The following DNAH17 variants were observed in gnomAD, a reference collection of about 807,000 sequenced individuals.
DNAH17 encodes dynein axonemal heavy chain 17.
A neutral mutation model predicts 485.6 loss-of-function variants in DNAH17; 376 were observed. That is an observed-to-expected ratio of 0.77 (90% CI 0.71 to 0.84). The LOEUF (loss-of-function observed/expected upper bound fraction) is 0.84, where lower values mean the gene tolerates loss of function less well. Among genes scored for constraint, DNAH17 ranks in the 40% least tolerant of loss-of-function variants. The probability of loss-of-function intolerance (pLI) is 0.00; values close to 1 mark genes in which losing one functional copy is unlikely to be tolerated. For missense variants in DNAH17, 6,370 were observed against 5,839.3 expected, an observed-to-expected ratio of 1.09 and a Z score of -2.96; for synonymous variants, 3,031 against 2,405.9, an observed-to-expected ratio of 1.26 and a Z score of -7.60.
chr17:78,494,097 T>C lies in DNAH17; in HGVS notation c.6347A>G (p.Glu2116Gly). ...CACGGAGTGGCGGACCTGCAGCAGC[T>C]CCTCCAGCTGCACCACCTTCAGCAC... ...SFVLKVVQLE[E>G]LLQVRHSVFI... The change falls in exon 41 of 81, where the codon GAG becomes GGG. Residue 2116 changes from glutamate to glycine, a missense_variant. Physicochemically the swap from Glu to Gly is moderately conservative, Grantham distance 98. Transcript: ENST00000389840. The C allele has an allele frequency of 1.9e-6, 3 of 1,612,692 alleles. No homozygotes were observed. Among genetic ancestry groups the C allele is most frequent in the Non-Finnish European group, 2.5e-6 (3 of 1,179,816 alleles).
At chr17:78,543,827 T>C (rs1485682272) in intron 17 of DNAH17, 30 bp downstream of exon 17, 1 of 1,613,918 alleles carries the variant, frequency 6.2e-7, no homozygotes, top group Admixed American at 1.7e-5. Context: ...GCAAGTGGGT[T>C]CTCAAAAAAC....
Position 78,460,136 on chromosome 17 carries a change from T to TC in DNAH17, c.9435+25dup, listed in dbSNP as rs759686206. The TC allele has an allele frequency of 1.2e-4, 185 of 1,586,680 alleles. 1 individual carries two copies. In the South Asian group the frequency reaches 1.9e-3, roughly 17 times the overall value. ...GCTTCCTCTCCAACCAGGCCAGGGG[T>TC]CCCCTTTCTTTCCCTCCCCCTTTAC... On this transcript the variant is annotated intron_variant, in intron 59 of 80. Transcript: ENST00000389840.
At chr17:78,470,175 G>A (rs2088683297) in intron 54 of DNAH17, among the ~76,000 whole-genome samples, 1 of 141,550 alleles carries the variant, frequency 7.1e-6, no homozygotes, top group South Asian at 2.2e-4. Context: ...CCGGGTTCAA[G>A]GAGTTCTCCT....
chr17:78,501,721 C>T, intron 34 of DNAH17, 21 bp downstream of exon 34: 1 of 1,609,842 alleles, frequency 6.2e-7, no homozygotes, highest in Non-Finnish European at 8.5e-7. Flanking sequence ...CCCCTGGCCC[C>T]TGGGACAGGG....
chr17:78,491,094 A>G (rs909843842), intron 43 of DNAH17, among the ~76,000 whole-genome samples: 1 of 152,002 alleles, frequency 6.6e-6, no homozygotes, highest in Non-Finnish European at 1.5e-5. Context: ...TTCTCAAACC[A>G]TCACCCCTCC....
At chr17:78,548,987 A>G (rs150807916) in intron 16 of DNAH17, among the ~76,000 whole-genome samples, 14 of 152,362 alleles carry the variant, frequency 9.2e-5, no homozygotes, top group South Asian at 2.1e-4. Context: ...CGTGATGAGG[A>G]AAGTGATGGG....
At chr17:78,543,316 C>A (rs2091655102) in intron 17 of DNAH17, among the ~76,000 whole-genome samples, 1 of 146,512 alleles carries the variant, frequency 6.8e-6, no homozygotes, top group Non-Finnish European at 1.5e-5. Context: ...CGGAGTCTCG[C>A]TCTGTCGCCC....
At position 78,451,740 on chromosome 17, in the gene DNAH17, G is replaced by C. The variant is rs573525653; in HGVS notation, c.10530-67C>G. ...ACCAGGGGAGAGGAACACAAGTACA[G>C]ACCACCTTTCACCCCAGCCCCAGGC... On this transcript the variant is annotated intron_variant, in intron 65 of 80. Coordinates refer to ENST00000389840, the MANE Select transcript of DNAH17 (RefSeq NM_173628.4). The C allele has an allele frequency of 5.0e-6, 7 of 1,412,558 alleles. No homozygotes were observed. The South Asian group carries it at 7.0e-5, about 14-fold the overall frequency. The allele number at this position is 1,412,558 out of a possible 1,614,324, so 87.5% of individuals were successfully genotyped here.
intron 56 of DNAH17, among the ~76,000 whole-genome samples, chr17:78,466,390 A>G (rs907770417): frequency 8.6e-5 from 13 of 152,030 alleles, no homozygotes; most frequent in Non-Finnish European, 1.5e-4. Context: ...TTGTCCTATG[A>G]CCCTGCCAAG....
At chr17:78,453,177 C>T (rs1228879165) in intron 65 of DNAH17, among the ~76,000 whole-genome samples, 166 bp downstream of exon 65, 1 of 152,212 alleles carries the variant, frequency 6.6e-6, no homozygotes, top group Non-Finnish European at 1.5e-5. Context: ...CCAGTCTTTC[C>T]TCAGGAGCTG....
chr17:78,479,371 A>C, intron 50 of DNAH17, 114 bp downstream of exon 50: 1 of 1,307,158 alleles, frequency 7.7e-7, no homozygotes, highest in South Asian at 1.6e-5. Context: ...CGTTTTTAAG[A>C]TATTGATTTA....
chr17:78,434,553 T>C (rs552803113), intron 74 of DNAH17, among the ~76,000 whole-genome samples: 3 of 152,104 alleles, frequency 2.0e-5, no homozygotes, highest in Non-Finnish European at 4.4e-5. Flanking sequence ...TAATGTTCCT[T>C]TGTAATTATC....
chr17:78,476,200 T>C (rs1280306391), intron 52 of DNAH17, among the ~76,000 whole-genome samples: 2 of 151,974 alleles, frequency 1.3e-5, no homozygotes, highest in Non-Finnish European at 2.9e-5. Flanking sequence ...TCCTCCTCAC[T>C]CAGACCCACA....
In DNAH17 at chr17:78,486,133, G is replaced by A. The variant is rs779526275; in HGVS notation, c.7102C>T (p.Leu2368Phe). The change falls in exon 46 of 81, where the codon CTT (leucine) becomes TTT (phenylalanine). Residue 2368 changes from leucine to phenylalanine, a missense_variant and splice_region_variant. Leu to Phe is a conservative substitution (Grantham distance 22). Coordinates refer to ENST00000389840, the MANE Select transcript of DNAH17 (RefSeq NM_173628.4). ...AFGGAMFQDQ[L>F]VDYRVEFSKW... ...CTGAACTCCACTCGATAATCCACAA[G>A]CTGTTGAGACACAGAAGTAAAAATC... The A allele has an allele frequency of 1.5e-5, 24 of 1,612,832 alleles. No homozygotes were observed. The highest frequency in any genetic ancestry group is 2.0e-5 in the Non-Finnish European group (24 of 1,179,294).
intron 51 of DNAH17, among the ~76,000 whole-genome samples, chr17:78,478,008 CCAT>C (rs1249063500): frequency 1.0e-4 from 13 of 126,540 alleles, no homozygotes; most frequent in African/African-American, 5.1e-4. Context: ...ACCATCATCA[CCAT>C]CATCACCATC....
At chr17:78,456,086 G>C (rs551702814) in intron 62 of DNAH17, among the ~76,000 whole-genome samples, 1 of 152,118 alleles carries the variant, frequency 6.6e-6, no homozygotes, top group Admixed American at 6.5e-5. Flanking sequence ...ATCACTTGAG[G>C]TCAGGGGGTC....
intron 24 of DNAH17, among the ~76,000 whole-genome samples, chr17:78,526,399 A>G (rs2091073968): frequency 6.6e-6 from 1 of 152,154 alleles, no homozygotes; most frequent in East Asian, 1.9e-4. Context: ...GCCTGGAGCC[A>G]TGCTCTGAGC....
At chr17:78,432,888 C>T (rs1180005603) in intron 75 of DNAH17, among the ~76,000 whole-genome samples, 1 of 135,668 alleles carries the variant, frequency 7.4e-6, no homozygotes, top group African/African-American at 2.9e-5. Flanking sequence ...AGTAGCAGAG[C>T]AGGCTTCAAA....
rs56154129 is a variant in DNAH17, at chr17:78,428,731, G to A, written c.12406-24C>T. 2,748 of 1,612,534 alleles carry A rather than the reference G, an allele frequency of 1.7e-3. 42 individuals are homozygous for A. In the African/African-American group the frequency reaches 0.031, roughly 18 times the overall value. On this transcript the variant is annotated intron_variant, in intron 76 of 80. Transcript: ENST00000389840. The stretch of plus-strand genomic sequence containing the variant: ...CCCTGAAAAAGAGGGCAGTTTGTAA[G>A]CAGAGGCAAAGCTGTGCAGGCTGAA...
Sources: allele counts gnomAD v4.1 joint callset (sites outside exome capture counted in the v4.1 genomes callset), GRCh38; gene constraint gnomAD v4.1.1; transcripts MANE v1.5; gene names NCBI Gene and HGNC (gene_info 2026-07-23, HGNC 2026-07-21).